NRG3: variants seen among roughly 807,000 people sequenced by gnomAD.
NRG3 encodes the protein pro-neuregulin-3, membrane-bound isoform.
NRG3 carries 31 observed loss-of-function variants against 66.9 expected under a neutral mutation model. That is an observed-to-expected ratio of 0.46 (90% CI 0.35 to 0.63). The LOEUF (loss-of-function observed/expected upper bound fraction) is 0.63, where lower values mean the gene tolerates loss of function less well. Ranked by LOEUF, NRG3 falls within the 20% of genes least tolerant of loss-of-function variation. The pLI, the probability that NRG3 is intolerant of heterozygous loss-of-function variation, is 0.00. For synonymous variants in NRG3, 393 were observed against 359.4 expected (o/e 1.09, Z -1.06); for missense variants, 910 against 878.9 (o/e 1.04, Z -0.45).
chr10:82,136,771 G>C (rs920586162), intron 1 of NRG3, among the ~76,000 whole-genome samples: 1 of 152,130 alleles, frequency 6.6e-6, no homozygotes, highest in Non-Finnish European at 1.5e-5. Flanking sequence ...ACTCCCCTCT[G>C]GCTAGGGCTG....
In NRG3 at chr10:82,985,443, T is replaced by G; in HGVS notation, c.1929T>G (p.Asp643Glu). Reference sequence around the variant, plus strand: ...AGGAGCAGATCCGAATTCTGACTGATGCCAGACGGTCAGAAGACTACGAAC... The same window carrying G: ...AGGAGCAGATCCGAATTCTGACTGAGGCCAGACGGTCAGAAGACTACGAAC... Reference protein sequence around the residue: ...TVQEQIRILTDARRSEDYELA... With the variant: ...TVQEQIRILTEARRSEDYELA... The change falls in exon 9 of 9, where the codon GAT (aspartate) becomes GAG (glutamate). Residue 643 changes from aspartate to glutamate, a missense_variant. Asp to Glu is a conservative substitution (Grantham distance 45). Coordinates refer to ENST00000372141, the MANE Select transcript of NRG3 (RefSeq NM_001010848.4). 1.9e-6 allele frequency: 3 copies of G among 1,614,122 alleles called. No individual in the cohort carries two copies. The highest frequency in any genetic ancestry group is 1.7e-6 in the Non-Finnish European group (2 of 1,180,002).
At chr10:82,361,245 C>G (rs1214876384) in intron 2 of NRG3, among the ~76,000 whole-genome samples, 1 of 152,088 alleles carries the variant, frequency 6.6e-6, no homozygotes, top group African/African-American at 2.4e-5. Context: ...GGCCTTCTGT[C>G]TTCATATTTC....
chr10:82,635,665 C>G (rs1042101993), intron 2 of NRG3, among the ~76,000 whole-genome samples: 1 of 152,138 alleles, frequency 6.6e-6, no homozygotes, highest in African/African-American at 2.4e-5. Flanking sequence ...TTTGAAACAA[C>G]AGGCTAGACA....
chr10:82,343,321 A>G lies in NRG3; in HGVS notation c.824-15418A>G, dbSNP rs541691073. On this transcript the variant is annotated intron_variant, in intron 1 of 8. Coordinates refer to ENST00000372141, the MANE Select transcript of NRG3 (RefSeq NM_001010848.4). ...AATCCTATTTACAATCGTTACAAAAAAATACATAGGCATACATTTAATGAA... is the reference window on the plus strand; with the variant it reads ...AATCCTATTTACAATCGTTACAAAAGAATACATAGGCATACATTTAATGAA... 5.3e-5 allele frequency among the ~76,000 whole-genome samples: 8 copies of G among 152,286 alleles called. No homozygotes were observed. In the South Asian group the frequency reaches 1.7e-3, roughly 32 times the overall value.
chr10:82,635,596 C>CATTATT (rs1294404140), intron 2 of NRG3, among the ~76,000 whole-genome samples: 1 of 151,978 alleles, frequency 6.6e-6, no homozygotes, highest in Non-Finnish European at 1.5e-5. Flanking sequence ...GGTTTACTGT[C>CATTATT]ATTATTATTA....
At chr10:82,625,782 T>A (rs2049377055) in intron 2 of NRG3, among the ~76,000 whole-genome samples, 1 of 152,174 alleles carries the variant, frequency 6.6e-6, no homozygotes, top group Non-Finnish European at 1.5e-5. Flanking sequence ...GTATGTTGGT[T>A]GATATGGTCA....
intron 1 of NRG3, among the ~76,000 whole-genome samples, chr10:82,299,325 C>A (rs1359307344): frequency 1.3e-5 from 2 of 152,134 alleles, no homozygotes; most frequent in Non-Finnish European, 2.9e-5. Flanking sequence ...GAGGTAATTA[C>A]TCCTAAAACT....
At chr10:82,237,480 C>A (rs1410256840) in intron 1 of NRG3, among the ~76,000 whole-genome samples, 1 of 152,116 alleles carries the variant, frequency 6.6e-6, no homozygotes, top group African/African-American at 2.4e-5. Context: ...TTTTGTTTGA[C>A]ATTCCTATTA....
chr10:82,913,869 T>C (rs532879624), intron 4 of NRG3, among the ~76,000 whole-genome samples: 1 of 152,332 alleles, frequency 6.6e-6, no homozygotes, highest in African/African-American at 2.4e-5. Flanking sequence ...TCAGCTATTA[T>C]TACTTCAAAA....
chr10:82,940,084 C>T (rs1241003052), intron 4 of NRG3, among the ~76,000 whole-genome samples: 2 of 152,092 alleles, frequency 1.3e-5, no homozygotes, highest in African/African-American at 2.4e-5. Flanking sequence ...ATTTTTGGTA[C>T]AAGACCATGC....
intron 1 of NRG3, among the ~76,000 whole-genome samples, chr10:82,078,691 A>G (rs1295803705): frequency 1.3e-4 from 20 of 152,254 alleles, no homozygotes. Context: ...CCAAAACCTT[A>G]ACAATTATTT....
chr10:82,702,914 A>G (rs2055998889), intron 2 of NRG3, among the ~76,000 whole-genome samples: 1 of 152,152 alleles, frequency 6.6e-6, no homozygotes, highest in Admixed American at 6.6e-5. Context: ...AAAAAAGTTA[A>G]GAAAAATGGT....
At chr10:82,203,558 C>G (rs907424291) in intron 1 of NRG3, among the ~76,000 whole-genome samples, 3 of 152,098 alleles carry the variant, frequency 2.0e-5, no homozygotes, top group Non-Finnish European at 2.9e-5. Flanking sequence ...TAGAAATTGA[C>G]TTTGTCTGGA....
chr10:82,881,918 C>T (rs1439134038), intron 4 of NRG3, among the ~76,000 whole-genome samples: 1 of 152,150 alleles, frequency 6.6e-6, no homozygotes, highest in East Asian at 1.9e-4. Flanking sequence ...CCCTCAAGGA[C>T]AGAGCTGTGT....
At chr10:82,734,213 T>G (rs778044993) in intron 2 of NRG3, among the ~76,000 whole-genome samples, 3 of 152,186 alleles carry the variant, frequency 2.0e-5, no homozygotes, top group Non-Finnish European at 4.4e-5. Flanking sequence ...AACCAGCCAC[T>G]GGGCTTTTCC....
intron 7 of NRG3, 140 bp downstream of exon 7, chr10:82,974,055 C>G (rs558886282): frequency 2.3e-6 from 2 of 888,006 alleles, no homozygotes; most frequent in South Asian, 3.5e-5. Context: ...AGTAAATGCT[C>G]AAACACCTCA....
In NRG3 at chr10:82,407,895, C is replaced by G. The variant is rs185170851; in HGVS notation, c.953+49027C>G. 1.8e-4 allele frequency among the ~76,000 whole-genome samples: 27 copies of G among 151,842 alleles called. No individual in the cohort carries two copies. In the East Asian group the frequency reaches 5.3e-3, roughly 30 times the overall value. The stretch of plus-strand genomic sequence containing the variant: ...ACCAGCCTGGCCAACATGGTGAAAC[C>G]CTGTCTCTACTAAAAATACAAAAAT... On this transcript the variant is annotated intron_variant, in intron 2 of 8. Transcript: ENST00000372141.
intron 1 of NRG3, among the ~76,000 whole-genome samples, chr10:82,197,148 T>A (rs1457026718): frequency 6.6e-6 from 1 of 152,188 alleles, no homozygotes; most frequent in Non-Finnish European, 1.5e-5. Flanking sequence ...CAACTGGCCC[T>A]CACAGGAAGT....
chr10:82,935,876 C>CAAA (rs200656889), intron 4 of NRG3, among the ~76,000 whole-genome samples: 1 of 133,280 alleles, frequency 7.5e-6, no homozygotes, highest in African/African-American at 2.7e-5. Context: ...TAATACTGAG[C>CAAA]AAAAAAAAAA....
Sources: allele counts gnomAD v4.1 joint callset (sites outside exome capture counted in the v4.1 genomes callset), GRCh38; gene constraint gnomAD v4.1.1; transcripts MANE v1.5; gene names NCBI Gene and HGNC (gene_info 2026-07-23, HGNC 2026-07-21).